PREP: variants seen among roughly 807,000 people sequenced by gnomAD.
PREP encodes prolyl endopeptidase.
Under a neutral mutation model 87.6 loss-of-function variants are expected in PREP, and 29 were observed. That is an observed-to-expected ratio of 0.33 (90% CI 0.25 to 0.45). The LOEUF is 0.45. Among genes scored for constraint, PREP ranks in the 20% least tolerant of loss-of-function variants. The pLI is 1.00. For synonymous variants in PREP, 337 were observed against 328.6 expected (o/e 1.03, Z -0.28); for missense variants, 695 against 886.5 (o/e 0.78, Z 2.74).
intron 1 of PREP, among the ~76,000 whole-genome samples, chr6:105,400,151 T>C (rs1773387956): frequency 1.3e-5 from 2 of 152,228 alleles, no homozygotes; most frequent in African/African-American, 4.8e-5. Flanking sequence ...ATGAGGTGGA[T>C]GTGTCTTATA....
rs2114605984 is a variant in PREP at position 105,276,819 on chromosome 6, A to G, written c.*1325T>C. ...ATGTCTAATTTTTGACCATAACTTG[A>G]AACGTAGAGAATGAGAGAGTGCTCT... On this transcript the variant is annotated 3_prime_UTR_variant, in exon 15 of 15. Coordinates refer to ENST00000652536, the MANE Select transcript of PREP (RefSeq NM_002726.5). Among the ~76,000 whole-genome samples the G allele has an allele frequency of 6.6e-6, 1 of 152,352 alleles. No individual in the cohort carries two copies. The highest frequency in any genetic ancestry group is 2.1e-4 in the South Asian group (1 of 4,828).
chr6:105,325,145 C>T (rs1306739093), intron 9 of PREP, among the ~76,000 whole-genome samples: 2 of 152,076 alleles, frequency 1.3e-5, no homozygotes, highest in African/African-American at 4.8e-5. Flanking sequence ...TTTTTAAGAG[C>T]TTCTTGATCA....
At chr6:105,279,868 A>G (rs1275111034) in intron 14 of PREP, among the ~76,000 whole-genome samples, 1 of 152,250 alleles carries the variant, frequency 6.6e-6, no homozygotes, top group Non-Finnish European at 1.5e-5. Context: ...CAATTAACTC[A>G]GTATTTTCAA....
chr6:105,293,234 A>G (rs564298474), intron 10 of PREP, among the ~76,000 whole-genome samples: 1 of 152,286 alleles, frequency 6.6e-6, no homozygotes, highest in Admixed American at 6.5e-5. Flanking sequence ...TTAAAGTGAG[A>G]TGTGAGAGTC....
At chr6:105,351,860 T>C (rs1361436417) in intron 7 of PREP, among the ~76,000 whole-genome samples, 1 of 152,196 alleles carries the variant, frequency 6.6e-6, no homozygotes, top group Non-Finnish European at 1.5e-5. Flanking sequence ...TGTATCTCTT[T>C]TTCTTAATAG....
chr6:105,313,784 TG>T (rs1345230833), intron 10 of PREP, among the ~76,000 whole-genome samples: 1 of 152,354 alleles, frequency 6.6e-6, no homozygotes, highest in East Asian at 1.9e-4. Context: ...AGGTGGCTGG[TG>T]CCAGCGTTGG....
chr6:105,341,466 C>A (rs1305414434), intron 7 of PREP, among the ~76,000 whole-genome samples: 2 of 152,076 alleles, frequency 1.3e-5, no homozygotes, highest in Admixed American at 1.3e-4. Flanking sequence ...CCTAACATCA[C>A]AATTAAAAGA....
intron 2 of PREP, among the ~76,000 whole-genome samples, chr6:105,395,027 C>T (rs1353059631): frequency 1.3e-5 from 2 of 152,116 alleles, no homozygotes; most frequent in Non-Finnish European, 2.9e-5. Flanking sequence ...TAATATAGTG[C>T]ATCTGCCTGA....
chr6:105,397,185 C>CCCAAAAA (rs775026045), intron 2 of PREP, among the ~76,000 whole-genome samples: 3 of 86,846 alleles, frequency 3.5e-5, no homozygotes, highest in Non-Finnish European at 7.6e-5. Flanking sequence ...ACTCTGTCTA[C>CCCAAAAA]AAAAAAAAAA....
At position 105,343,405 on chromosome 6, in the gene PREP, A is replaced by G. The variant is rs562659378; in HGVS notation, c.823+9567T>C. 4.0e-4 allele frequency among the ~76,000 whole-genome samples: 61 copies of G among 152,362 alleles called. 1 individual carries two copies. In the East Asian group the frequency reaches 0.011, roughly 26 times the overall value. On this transcript the variant is annotated intron_variant, in intron 7 of 14. Transcript: ENST00000652536. The stretch of plus-strand genomic sequence containing the variant: ...GATGGATTAAAGACTTAAATGTTAG[A>G]CCAAAAACCATAAAAACCCTAGAAG...
At chr6:105,284,673 G>A (rs963859801) in intron 12 of PREP, among the ~76,000 whole-genome samples, 1 of 152,144 alleles carries the variant, frequency 6.6e-6, no homozygotes, top group African/African-American at 2.4e-5. Flanking sequence ...CTCCCCCAAA[G>A]ACACAGGACA....
chr6:105,293,962 T>G (rs1770355051), intron 10 of PREP, among the ~76,000 whole-genome samples: 1 of 152,190 alleles, frequency 6.6e-6, no homozygotes. Flanking sequence ...CTTTGTATTT[T>G]CATGGGTACA....
intron 10 of PREP, among the ~76,000 whole-genome samples, chr6:105,306,735 C>T (rs1189726345): frequency 1.3e-5 from 2 of 151,992 alleles, no homozygotes; most frequent in African/African-American, 4.8e-5. Flanking sequence ...CCATGGGCTC[C>T]TCCACCACCA....
At chr6:105,315,389 C>T (rs1770839989) in intron 10 of PREP, among the ~76,000 whole-genome samples, 1 of 152,160 alleles carries the variant, frequency 6.6e-6, no homozygotes, top group African/African-American at 2.4e-5. Context: ...CCAGGCTCAT[C>T]TTGAGCTCCT....
chr6:105,388,639 T>A (rs148000026), intron 2 of PREP, among the ~76,000 whole-genome samples: 8 of 152,358 alleles, frequency 5.3e-5, no homozygotes, highest in African/African-American at 1.9e-4. Flanking sequence ...GAAGTATGTT[T>A]ACAAACTGTA....
chr6:105,306,221 G>C (rs1770653946), intron 10 of PREP, among the ~76,000 whole-genome samples: 1 of 152,162 alleles, frequency 6.6e-6, no homozygotes, highest in African/African-American at 2.4e-5. Context: ...GTTCACGAAA[G>C]ATCTAGAAAA....
Position 105,323,722 on chromosome 6 carries a change from T to C in PREP, c.1260A>G (p.Arg420=). ...CDLTKEELEP[R]VFREVTVKGI... Reference sequence around the variant, plus strand: ...CTTTTACGGTCACCTCTCGGAAAACTCTTGGCTCCAGCTCCTCTTTGGTAA... The same window carrying C: ...CTTTTACGGTCACCTCTCGGAAAACCCTTGGCTCCAGCTCCTCTTTGGTAA... The change falls in exon 10 of 15, where the codon AGA becomes AGG. Residue 420 remains arginine, a synonymous_variant. Transcript: ENST00000652536. The C allele has an allele frequency of 1.2e-6, 2 of 1,613,864 alleles. No homozygotes were observed. Among genetic ancestry groups the C allele is most frequent in the Middle Eastern group, 3.3e-4 (2 of 6,060 alleles).
At chr6:105,391,627 T>C (rs1427505588) in intron 2 of PREP, among the ~76,000 whole-genome samples, 21 of 152,086 alleles carry the variant, frequency 1.4e-4, no homozygotes, top group Admixed American at 1.3e-3. Context: ...AAGAAAAGGG[T>C]AGTTTCAACT....
At chr6:105,285,967 G>A (rs1264135079) in intron 11 of PREP, among the ~76,000 whole-genome samples, 1 of 152,086 alleles carries the variant, frequency 6.6e-6, no homozygotes, top group African/African-American at 2.4e-5. Context: ...GTAGAGATGG[G>A]GTTTTGCCAA....
Sources: gnomAD v4.1 joint callset for allele counts (sites outside exome capture counted in the v4.1 genomes callset) on GRCh38, gnomAD v4.1.1 for gene constraint, MANE v1.5 for transcripts, NCBI Gene and HGNC (gene_info 2026-07-23, HGNC 2026-07-21) for gene names.